Variants in ADPRM observed in about 807,000 individuals in gnomAD.
ADPRM encodes the protein manganese-dependent ADP-ribose/CDP-alcohol diphosphatase.
A neutral mutation model predicts 27.2 loss-of-function variants in ADPRM; 17 were observed. The ratio of observed to expected loss-of-function variants is 0.63; its 90% CI spans 0.43 to 0.94. The LOEUF (loss-of-function observed/expected upper bound fraction) is 0.94. Among genes scored for constraint, ADPRM ranks in the 40% least tolerant of loss-of-function variants. The pLI is 0.00. For missense variants in ADPRM, 337 were observed against 412.8 expected, an observed-to-expected ratio of 0.82 and a Z score of 1.59; for synonymous variants, 135 against 145.3, an observed-to-expected ratio of 0.93 and a Z score of 0.51.
chr17:10,706,410 T>C, intron 2 of ADPRM, 28 bp from the exon 3 acceptor site: 1 of 1,506,758 alleles, frequency 6.6e-7, no homozygotes, highest in African/African-American at 1.4e-5. Flanking sequence ...AATGACTTGA[T>C]GGGGCTAACT....
chr17:10,704,696 AAG>A (rs753280210), intron 1 of ADPRM, among the ~76,000 whole-genome samples: 4 of 152,174 alleles, frequency 2.6e-5, no homozygotes, highest in Non-Finnish European at 5.9e-5. Context: ...ACTCTTCTGA[AAG>A]AGTTTATCAT....
rs1165907127 is a variant in ADPRM, at chr17:10,711,549, TCTG to T, written c.*408_*410del. Among the ~76,000 whole-genome samples the T allele has an allele frequency of 6.6e-6, 1 of 152,246 alleles. No individual in the cohort carries two copies. Among genetic ancestry groups the T allele is most frequent in the Non-Finnish European group, 1.5e-5 (1 of 68,046 alleles). On this transcript the variant is annotated 3_prime_UTR_variant, in exon 4 of 4. Transcript: ENST00000379774. ...CTGTGTAAATGAGCTTTGGACAATT[TCTG>T]CTCAGAACACCTATACTTGGATTTT...
At chr17:10,706,070 C>G (rs1195800520) in intron 2 of ADPRM, 3 of 189,828 alleles carry the variant, frequency 1.6e-5, no homozygotes, top group Admixed American at 5.5e-5. Flanking sequence ...AGGGAAAAAC[C>G]TGCAAAGGCA....
rs1190865259 is a variant in ADPRM at position 10,706,629 on chromosome 17, A to G, written c.718+75A>G. On this transcript the variant is annotated intron_variant, in intron 3 of 3. Transcript: ENST00000379774. ...AGTTAGGCGTTAAAGCATACTAACA[A>G]TATTTGTGTTTCGATATCCTCTTTC... 6 of 1,079,054 alleles carry G rather than the reference A, an allele frequency of 5.6e-6. No homozygotes were observed. In the African/African-American group the frequency reaches 6.7e-5, roughly 12 times the overall value. 66.8% of individuals were successfully genotyped at this position (1,079,054 alleles called of 1,614,324 possible). A position where few individuals can be genotyped will look rare whatever the true frequency, so the allele number is the denominator to read the frequency against.
Position 10,704,931 on chromosome 17 carries a change from A to C in ADPRM, c.5A>C (p.Asp2Ala). 1 of 1,586,326 alleles carries C rather than the reference A, an allele frequency of 6.3e-7. No individual in the cohort carries two copies. Among genetic ancestry groups the C allele is most frequent in the Non-Finnish European group, 8.6e-7 (1 of 1,169,084 alleles). Reference protein sequence around the residue: MDDKPNPEALSD... With the variant: MADKPNPEALSD... ...TTAGAAACCTGTTTGGAGGTTATGGATGATAAACCCAATCCTGAAGCCCTA... is the reference window on the plus strand; with the variant it reads ...TTAGAAACCTGTTTGGAGGTTATGGCTGATAAACCCAATCCTGAAGCCCTA... Residue 2 changes from aspartate to alanine, a missense_variant, in exon 2 of 4, where the codon GAT becomes GCT. Transcript: ENST00000379774.
chr17:10,701,694 T>A (rs1193346998), intron 1 of ADPRM, among the ~76,000 whole-genome samples: 1 of 152,242 alleles, frequency 6.6e-6, no homozygotes, highest in Non-Finnish European at 1.5e-5. Flanking sequence ...ATTTCTAGCT[T>A]CCACAATTAT....
chr17:10,697,614 G>T lies in ADPRM; in HGVS notation c.-71G>T. On this transcript the variant is annotated 5_prime_UTR_variant, in exon 1 of 4. Coordinates refer to ENST00000379774, the MANE Select transcript of ADPRM (RefSeq NM_020233.5). ...GCTCTGTCCGTCCCGCTCGTTGGTG[G>T]CGCTGTTACATAGCCCGTAGTCAGA... is the stretch of plus-strand genomic sequence containing the variant. The T allele has an allele frequency of 7.1e-7, 1 of 1,400,046 alleles. No individual in the cohort carries two copies. The highest frequency in any genetic ancestry group is 1.0e-6 in the Non-Finnish European group (1 of 1,004,668). 86.7% of individuals were successfully genotyped at this position (1,400,046 alleles called of 1,614,324 possible).
At chr17:10,707,395 T>G (rs1398559217) in intron 3 of ADPRM, among the ~76,000 whole-genome samples, 1 of 151,760 alleles carries the variant, frequency 6.6e-6, no homozygotes, top group East Asian at 1.9e-4. Flanking sequence ...AATAAATACA[T>G]AAATAAATAA....
At chr17:10,703,299 C>T (rs1324223645) in intron 1 of ADPRM, among the ~76,000 whole-genome samples, 1 of 151,916 alleles carries the variant, frequency 6.6e-6, no homozygotes, top group South Asian at 2.1e-4. Flanking sequence ...ATTTATACAC[C>T]CTCATACATA....
Position 10,711,084 on chromosome 17 carries a change from G to A in ADPRM, c.969G>A (p.Gly323=). ...HVYPDKMMLK[G]RGRVPDRIMN... ...ATCCTGACAAAATGATGTTGAAAGG[G>A]AGAGGCAGAGTTCCAGATAGAATTA... is the stretch of plus-strand genomic sequence containing the variant. Residue 323 remains glycine, a synonymous_variant, in exon 4 of 4, where the codon GGG becomes GGA. Coordinates refer to ENST00000379774, the MANE Select transcript of ADPRM (RefSeq NM_020233.5). The A allele has an allele frequency of 6.2e-7, 1 of 1,614,088 alleles. No homozygotes were observed. Among genetic ancestry groups the A allele is most frequent in the Non-Finnish European group, 8.5e-7 (1 of 1,179,930 alleles).
Position 10,702,135 on chromosome 17 carries a change from C to G in ADPRM, c.-17-2775C>G, listed in dbSNP as rs1237448502. ...AGTATATTCCAAAATCTGAAAAAGT[C>G]CGAAATCTAAAACACTTCTGGTCCC... On this transcript the variant is annotated intron_variant, in intron 1 of 3. Transcript: ENST00000379774. The surrounding 1 kb of genome is among the most constrained non-coding windows in gnomAD (Gnocchi z 4.2). Among the ~76,000 whole-genome samples the G allele has an allele frequency of 6.6e-6, 1 of 152,180 alleles. No homozygotes were observed. Among genetic ancestry groups the G allele is most frequent in the Non-Finnish European group, 1.5e-5 (1 of 68,024 alleles).
At position 10,705,644 on chromosome 17, in the gene ADPRM, T is replaced by G; in HGVS notation, c.601+117T>G. ...AAAGTATATTGTCACTTGTTCAGGG[T>G]CAGGATTTCTCACAAGCCTTCTCAC... On this transcript the variant is annotated intron_variant, in intron 2 of 3. Coordinates refer to ENST00000379774, the MANE Select transcript of ADPRM (RefSeq NM_020233.5). This position sits in a 1 kb window ranked among gnomAD's most constrained non-coding sequence, Gnocchi z 5.4. 4 of 1,409,912 alleles carry G rather than the reference T, an allele frequency of 2.8e-6. No individual in the cohort carries two copies. The South Asian group carries it at 5.8e-5, about 20-fold the overall frequency. 87.3% of individuals were successfully genotyped at this position (1,409,912 alleles called of 1,614,324 possible). A position where few individuals can be genotyped will look rare whatever the true frequency, so the allele number is the denominator to read the frequency against.
intron 3 of ADPRM, among the ~76,000 whole-genome samples, chr17:10,709,073 T>TA (rs879353525): frequency 6.6e-6 from 1 of 152,160 alleles, no homozygotes. Context: ...TAAAGTGTAA[T>TA]AAAAAAATTT....
intron 3 of ADPRM, among the ~76,000 whole-genome samples, chr17:10,707,724 G>T (rs1327613465): frequency 1.3e-5 from 2 of 152,218 alleles, no homozygotes; most frequent in Admixed American, 6.5e-5. Context: ...GTGTGCTACA[G>T]GCTCGGCTGG....
chr17:10,701,479 T>C (rs2520153), intron 1 of ADPRM, among the ~76,000 whole-genome samples: 10,946 of 151,940 alleles, frequency 0.072, 1,011 homozygotes, highest in African/African-American at 0.2. Context: ...TACAGGCGCC[T>C]GCCACCACAC....
In ADPRM at chr17:10,697,670, A is replaced by G. The variant is rs1441657803; in HGVS notation, c.-18+3A>G. On this transcript the variant is annotated splice_donor_region_variant and intron_variant, in intron 1 of 3. Transcript: ENST00000379774. ...TTCAGCCCAGGGGCCGGCGCACGGT[A>G]GGTAGTTCCCTGCGGCTGGAGGCGG... 11 of 877,152 alleles carry G rather than the reference A, an allele frequency of 1.3e-5. No individual in the cohort carries two copies. The highest frequency in any genetic ancestry group is 2.0e-5 in the Non-Finnish European group (11 of 552,714). The allele number at this position is 877,152 out of a possible 1,614,324, so 54.3% of individuals were successfully genotyped here. A position where few individuals can be genotyped will look rare whatever the true frequency, so the allele number is the denominator to read the frequency against.
intron 1 of ADPRM, chr17:10,698,163 A>C (rs1399721952): frequency 6.6e-6 from 1 of 152,552 alleles, no homozygotes; most frequent in Non-Finnish European, 1.5e-5. Flanking sequence ...AACCTAATTA[A>C]TAAAGCATAG....
chr17:10,701,536 A>C (rs995479380), intron 1 of ADPRM, among the ~76,000 whole-genome samples: 6 of 151,972 alleles, frequency 3.9e-5, no homozygotes, highest in Non-Finnish European at 5.9e-5. Context: ...TCACCATGTT[A>C]GCCAGGATGG....
At chr17:10,710,555 G>A (rs748221401) in intron 3 of ADPRM, among the ~76,000 whole-genome samples, 23 of 152,230 alleles carry the variant, frequency 1.5e-4, no homozygotes, top group Non-Finnish European at 2.9e-4. Flanking sequence ...TCGGTGTTTC[G>A]GCAACTTGAG....
Sources: gnomAD v4.1 joint callset for allele counts (sites outside exome capture counted in the v4.1 genomes callset) on GRCh38, gnomAD v4.1.1 for gene constraint, Gnocchi (gnomAD v3.1) non-coding constraint, MANE v1.5 for transcripts, NCBI Gene and HGNC (gene_info 2026-07-23, HGNC 2026-07-21) for gene names.